Variants in ZNF469 observed in about 807,000 individuals in gnomAD.
ZNF469 encodes zinc finger protein 469.
Under a neutral mutation model 1.0 loss-of-function variants are expected in ZNF469, and 1 was observed. The observed-to-expected ratio is 1.00, with a 90% CI of 0.35 to 4.73. The LOEUF is 4.73. Ranked by LOEUF, ZNF469 falls within the 30% of genes most tolerant of loss-of-function variation. The pLI, the probability that ZNF469 is intolerant of heterozygous loss-of-function variation, is 0.16. For synonymous variants in ZNF469, 2,703 were observed against 2,363.4 expected (o/e 1.14, Z -4.17); for missense variants, 6,100 against 5,356.3 (o/e 1.14, Z -4.33).
At chr16:88,138,226 C>G in the ZNF469 span, among the ~76,000 whole-genome samples, 14 of 152,220 alleles carry the variant, frequency 9.2e-5, no homozygotes, top group Non-Finnish European at 1.8e-4. Flanking sequence ...GTTGGTGAAT[C>G]ATTACTCACT....
the ZNF469 span, among the ~76,000 whole-genome samples, chr16:88,238,350 C>T: frequency 2.6e-5 from 4 of 152,142 alleles, no homozygotes; most frequent in Non-Finnish European, 4.4e-5. Flanking sequence ...GGGGTCCCTC[C>T]CTGATGCTGC....
chr16:88,366,942 A>C, the ZNF469 span, among the ~76,000 whole-genome samples: 1 of 151,942 alleles, frequency 6.6e-6, no homozygotes, highest in Non-Finnish European at 1.5e-5. Flanking sequence ...ATTATGAGCA[A>C]TAACAGTGCT....
the ZNF469 span, among the ~76,000 whole-genome samples, chr16:88,359,823 C>T: frequency 2.4e-4 from 36 of 152,150 alleles, no homozygotes. Context: ...GATCCATATA[C>T]CTGCCACCTG....
At chr16:88,161,180 T>C in the ZNF469 span, among the ~76,000 whole-genome samples, 1 of 150,876 alleles carries the variant, frequency 6.6e-6, no homozygotes, top group East Asian at 1.9e-4. Context: ...AAAACGGGCT[T>C]TATTAATTCC....
the ZNF469 span, among the ~76,000 whole-genome samples, chr16:88,180,104 T>A: frequency 3.8e-4 from 47 of 123,502 alleles, no homozygotes; most frequent in African/African-American, 1.1e-3. Flanking sequence ...CTTCACTTTC[T>A]TAATAAATTG....
chr16:88,282,036 CATT>C, the ZNF469 span, among the ~76,000 whole-genome samples: 101 of 152,312 alleles, frequency 6.6e-4, no homozygotes, highest in Non-Finnish European at 1.2e-3. Flanking sequence ...TTGCATCAGT[CATT>C]ATTGTGCCAG....
At chr16:88,264,586 C>A in the ZNF469 span, among the ~76,000 whole-genome samples, 1 of 150,834 alleles carries the variant, frequency 6.6e-6, no homozygotes, top group Non-Finnish European at 1.5e-5. Context: ...ACATCCTCCT[C>A]CCCCCTCATC....
the ZNF469 span, among the ~76,000 whole-genome samples, chr16:88,326,214 C>T: frequency 1.3e-5 from 2 of 152,182 alleles, no homozygotes; most frequent in African/African-American, 4.8e-5. Flanking sequence ...GTGGCTCTTT[C>T]CATGCTGTTC....
chr16:88,136,383 G>A, the ZNF469 span, among the ~76,000 whole-genome samples: 1 of 152,252 alleles, frequency 6.6e-6, no homozygotes. Context: ...TTCAAGGCAT[G>A]CAGCTGTCCT....
the ZNF469 span, among the ~76,000 whole-genome samples, chr16:88,297,727 G>C: frequency 6.6e-6 from 1 of 152,294 alleles, no homozygotes; most frequent in East Asian, 1.9e-4. Context: ...GAGGACATCT[G>C]TGATTGCATT....
chr16:88,332,201 A>G, the ZNF469 span, among the ~76,000 whole-genome samples: 1 of 152,230 alleles, frequency 6.6e-6, no homozygotes, highest in East Asian at 1.9e-4. Flanking sequence ...GCATTTTTTG[A>G]CAGAGGATGG....
chr16:88,337,873 A>G, the ZNF469 span, among the ~76,000 whole-genome samples: 19 of 152,314 alleles, frequency 1.2e-4, no homozygotes, highest in African/African-American at 3.1e-4. Flanking sequence ...CTCTGTGTAT[A>G]TGCTGGACGC....
the ZNF469 span, among the ~76,000 whole-genome samples, chr16:88,145,119 T>C: frequency 1.3e-5 from 2 of 151,762 alleles, no homozygotes; most frequent in South Asian, 4.2e-4. Context: ...CAAACAGGCA[T>C]GAGCCACTGC....
the ZNF469 span, among the ~76,000 whole-genome samples, chr16:88,138,809 C>A: frequency 6.6e-6 from 1 of 152,212 alleles, no homozygotes; most frequent in Admixed American, 6.5e-5. Flanking sequence ...AGTAGCAAAA[C>A]AAGGGTGTTG....
At chr16:88,339,209 G>T in the ZNF469 span, among the ~76,000 whole-genome samples, 3 of 123,652 alleles carry the variant, frequency 2.4e-5, no homozygotes, top group Admixed American at 1.6e-4. Flanking sequence ...GGACAGGATG[G>T]CAGGGTGATC....
intron 1 of ZNF469, among the ~76,000 whole-genome samples, chr16:88,405,398 G>A (rs911931459): frequency 5.9e-5 from 9 of 152,334 alleles, no homozygotes; most frequent in Admixed American, 3.3e-4. Context: ...ACATGGGCCC[G>A]TGGTGCCTCC....
the ZNF469 span, among the ~76,000 whole-genome samples, chr16:88,187,086 C>T: frequency 6.6e-6 from 1 of 152,162 alleles, no homozygotes; most frequent in African/African-American, 2.4e-5. Context: ...CTCTGGAAGG[C>T]AGGGCTGGTG....
At chr16:88,277,137 CCG>C in the ZNF469 span, among the ~76,000 whole-genome samples, 5 of 151,622 alleles carry the variant, frequency 3.3e-5, no homozygotes, top group East Asian at 5.8e-4. Context: ...TTGGTCAGTA[CCG>C]TGTAGATATC....
chr16:88,428,991 C>A lies in ZNF469; in HGVS notation c.1521C>A (p.Pro507=). 1 of 1,549,260 alleles carries A rather than the reference C, an allele frequency of 6.5e-7. No individual in the cohort carries two copies. Among genetic ancestry groups the A allele is most frequent in the South Asian group, 1.2e-5 (1 of 84,020 alleles). Residue 507 remains proline (P), a synonymous_variant, in exon 3 of 3, where the codon CCC becomes CCA. Transcript: ENST00000565624. ...GMEMLSRLPF[P]AGGPEWQGGS... ...AGATGCTGAGCCGGCTGCCTTTCCC[C>A]GCGGGGGGCCCCGAGTGGCAGGGGG... is the stretch of plus-strand genomic sequence containing the variant.
Sources: allele counts gnomAD v4.1 joint callset (sites outside exome capture counted in the v4.1 genomes callset), GRCh38; gene constraint gnomAD v4.1.1; transcripts MANE v1.5; gene names NCBI Gene and HGNC (gene_info 2026-07-23, HGNC 2026-07-21).